Variants in CIAO2A observed in about 807,000 individuals in gnomAD.
CIAO2A encodes cytosolic iron-sulfur assembly component 2A, also known as MIP18 family protein FAM96A.
A neutral mutation model predicts 22.4 loss-of-function variants in CIAO2A; 17 were observed. The observed-to-expected ratio is 0.76, with a 90% confidence interval of 0.52 to 1.14. The LOEUF (loss-of-function observed/expected upper bound fraction) is 1.14. CIAO2A is among the 50% of genes most tolerant of loss of function. The pLI, the probability that CIAO2A is intolerant of heterozygous loss-of-function variation, is 0.00. For synonymous variants in CIAO2A, 74 were observed against 72.3 expected, an observed-to-expected ratio of 1.02 and a Z score of -0.12; for missense variants, 192 against 191.4, an observed-to-expected ratio of 1.00 and a Z score of -0.02.
At chr15:64,091,483 CAAAAAA>C (rs35800673) in intron 1 of CIAO2A, among the ~76,000 whole-genome samples, 1 of 121,460 alleles carries the variant, frequency 8.2e-6, no homozygotes. Context: ...GACTCTGTCT[CAAAAAA>C]AAAAAAAAAA....
intron 1 of CIAO2A, among the ~76,000 whole-genome samples, chr15:64,092,683 T>C (rs963222666): frequency 6.6e-6 from 1 of 152,202 alleles, no homozygotes; most frequent in African/African-American, 2.4e-5. Flanking sequence ...ATTAGGTAAG[T>C]CCTGCCTCTA....
chr15:64,081,133 TTTACTC>T lies in CIAO2A; in HGVS notation c.302_307del (p.Arg101_Val102del). 1.9e-6 allele frequency: 3 copies of T among 1,613,620 alleles called. No individual in the cohort carries two copies. The highest frequency in any genetic ancestry group is 2.5e-6 in the Non-Finnish European group (3 of 1,179,840). The stretch of plus-strand genomic sequence containing the variant: ...TTTAAATGGTAAACATCGCTGAAGT[TTTACTC>T]TTAAGCACAGCCCTGTGGAGGGAAA... On this transcript the variant is annotated inframe_deletion, in exon 3 of 5. Coordinates refer to ENST00000300030, the MANE Select transcript of CIAO2A (RefSeq NM_032231.7).
intron 1 of CIAO2A, among the ~76,000 whole-genome samples, chr15:64,092,754 G>A (rs2080850700): frequency 6.6e-6 from 1 of 152,082 alleles, no homozygotes; most frequent in Non-Finnish European, 1.5e-5. Context: ...TCCTTCTACT[G>A]GCCTATAATC....
At chr15:64,086,897 G>A (rs1170846816) in intron 2 of CIAO2A, among the ~76,000 whole-genome samples, 1 of 151,256 alleles carries the variant, frequency 6.6e-6, no homozygotes, top group Admixed American at 6.6e-5. Context: ...ACAGGTGTGA[G>A]CCGCCATGCC....
intron 2 of CIAO2A, among the ~76,000 whole-genome samples, chr15:64,086,864 T>C (rs2080800904): frequency 6.6e-6 from 1 of 151,822 alleles, no homozygotes; most frequent in South Asian, 2.1e-4. Flanking sequence ...TCCACTGCCT[T>C]GGCCTCCCAA....
intron 3 of CIAO2A, among the ~76,000 whole-genome samples, chr15:64,076,312 T>TAC (rs767556492): frequency 2.1e-4 from 32 of 152,136 alleles, no homozygotes; most frequent in East Asian, 1.2e-3. Flanking sequence ...ACACAGATTT[T>TAC]ACACACACAC....
chr15:64,086,052 G>A (rs1051228541), intron 2 of CIAO2A, among the ~76,000 whole-genome samples: 2 of 150,990 alleles, frequency 1.3e-5, no homozygotes, highest in African/African-American at 4.9e-5. Flanking sequence ...GTTTTTGTGG[G>A]GTATCAAAAT....
intron 3 of CIAO2A, among the ~76,000 whole-genome samples, chr15:64,077,034 C>T (rs986669642): frequency 2.6e-5 from 4 of 152,098 alleles, no homozygotes; most frequent in Non-Finnish European, 4.4e-5. Context: ...CAAAACAAGC[C>T]GGGCGTGGTG....
intron 2 of CIAO2A, among the ~76,000 whole-genome samples, chr15:64,087,783 C>T (rs890848450): frequency 1.3e-5 from 2 of 151,850 alleles, no homozygotes; most frequent in Admixed American, 6.6e-5. Flanking sequence ...TATAAAGTCT[C>T]CCTCCCACCC....
At chr15:64,078,378 T>G (rs542240575) in intron 3 of CIAO2A, among the ~76,000 whole-genome samples, 34 of 152,306 alleles carry the variant, frequency 2.2e-4, no homozygotes, top group Non-Finnish European at 1.0e-4. Flanking sequence ...CTCATGCCTG[T>G]GATCCCAGCA....
intron 3 of CIAO2A, among the ~76,000 whole-genome samples, chr15:64,078,102 G>C (rs56388601): frequency 0.045 from 6,903 of 152,104 alleles, 200 homozygotes; most frequent in South Asian, 0.084. Flanking sequence ...GAATTTCTTT[G>C]TACTATTCTT....
chr15:64,076,879 A>AT (rs1768476094), intron 3 of CIAO2A, among the ~76,000 whole-genome samples: 1 of 151,290 alleles, frequency 6.6e-6, no homozygotes, highest in Admixed American at 6.6e-5. Flanking sequence ...CCTCGTCTCT[A>AT]TTTTTTTGTA....
At chr15:64,078,191 A>G (rs2140106669) in intron 3 of CIAO2A, among the ~76,000 whole-genome samples, 1 of 152,354 alleles carries the variant, frequency 6.6e-6, no homozygotes, top group Middle Eastern at 3.4e-3. Context: ...GTTAAAAATG[A>G]AAAATAAAAT....
At chr15:64,080,510 G>A (rs1053629188) in intron 3 of CIAO2A, among the ~76,000 whole-genome samples, 7 of 151,992 alleles carry the variant, frequency 4.6e-5, no homozygotes, top group Non-Finnish European at 8.8e-5. Flanking sequence ...GTGAAACCCC[G>A]TCTCTACTAA....
chr15:64,084,354 G>A (rs1198446734), intron 2 of CIAO2A, among the ~76,000 whole-genome samples: 1 of 152,076 alleles, frequency 6.6e-6, no homozygotes, highest in African/African-American at 2.4e-5. Flanking sequence ...GCGTCAAACA[G>A]TATAAACTTC....
Position 64,081,142 on chromosome 15 carries a change from A to C in CIAO2A, c.299T>G (p.Leu100Ter), listed in dbSNP as rs770318592. Residue 100 changes from leucine (L) to a stop codon, truncating the protein, a stop_gained, in exon 3 of 5, where the codon TTA becomes TGA. Transcript: ENST00000300030. LOFTEE classifies it high-confidence loss of function. ...TAAACATCGCTGAAGTTTTACTCTT[A>C]AGCACAGCCCTGTGGAGGGAAAATC... Reference protein sequence around the residue: ...CSLATLIGLCLRVKLQRCLPF... With the variant: ...CSLATLIGLC 5 of 1,613,464 alleles carry C rather than the reference A, an allele frequency of 3.1e-6. No homozygotes were observed. Among genetic ancestry groups the C allele is most frequent in the Non-Finnish European group, 4.2e-6 (5 of 1,179,840 alleles).
chr15:64,089,903 G>A (rs1182031489), intron 1 of CIAO2A, among the ~76,000 whole-genome samples: 2 of 152,152 alleles, frequency 1.3e-5, no homozygotes, highest in Non-Finnish European at 2.9e-5. Context: ...TGCTTAAGGG[G>A]TTATCCAATG....
At chr15:64,076,543 T>C (rs1190133884) in intron 3 of CIAO2A, among the ~76,000 whole-genome samples, 2 of 152,138 alleles carry the variant, frequency 1.3e-5, no homozygotes, top group Non-Finnish European at 2.9e-5. Flanking sequence ...TACAAAATTA[T>C]TGCAAATCCT....
At chr15:64,081,229 T>C in intron 2 of CIAO2A, 78 bp from the exon 3 acceptor site, 2 of 1,382,444 alleles carry the variant, frequency 1.4e-6, no homozygotes, top group Non-Finnish European at 2.0e-6. Context: ...CAACTGCGTT[T>C]ATGTGCCCCC....
Sources: gnomAD v4.1 joint callset for allele counts (sites outside exome capture counted in the v4.1 genomes callset) on GRCh38, gnomAD v4.1.1 for gene constraint, MANE v1.5 for transcripts, NCBI Gene and HGNC (gene_info 2026-07-23, HGNC 2026-07-21) for gene names.